GRIA4: variants seen among roughly 807,000 people sequenced by gnomAD.
GRIA4 encodes the protein glutamate ionotropic receptor AMPA type subunit 4.
GRIA4 carries 34 observed loss-of-function variants against 104.0 expected under a neutral mutation model. That is an observed-to-expected ratio of 0.33 (90% CI 0.25 to 0.44). The LOEUF is 0.44. Among genes scored for constraint, GRIA4 ranks in the 20% least tolerant of loss-of-function variants. The probability of loss-of-function intolerance (pLI) is 1.00; values close to 1 mark genes in which losing one functional copy is unlikely to be tolerated. For missense variants in GRIA4, 750 were observed against 1,096.5 expected, an observed-to-expected ratio of 0.68 and a Z score of 4.46; for synonymous variants, 386 against 381.9, an observed-to-expected ratio of 1.01 and a Z score of -0.13.
intron 10 of GRIA4, chr11:105,911,906 T>G (rs1216719912): frequency 1.9e-6 from 3 of 1,561,364 alleles, no homozygotes; most frequent in Non-Finnish European, 2.6e-6. Flanking sequence ...TTTAAGAAAT[T>G]GATCAAGAAA....
chr11:105,611,224 C>G (rs1260449245), intron 2 of GRIA4, 139 bp downstream of exon 2: 1 of 687,778 alleles, frequency 1.5e-6, no homozygotes, highest in Non-Finnish European at 2.6e-6. Context: ...CTTCCTTTCT[C>G]TCCTTTGCAA....
At chr11:105,821,963 T>A (rs1385542454) in intron 4 of GRIA4, among the ~76,000 whole-genome samples, 1 of 152,086 alleles carries the variant, frequency 6.6e-6, no homozygotes. Context: ...TGAGCTAGAC[T>A]CTGCTGCGCT....
chr11:105,786,301 T>C (rs1591255086), intron 4 of GRIA4, among the ~76,000 whole-genome samples: 1 of 152,176 alleles, frequency 6.6e-6, no homozygotes, highest in South Asian at 2.1e-4. Context: ...TCTCAAGTCA[T>C]AATGAAAGTG....
At chr11:105,788,494 T>G (rs1015247540) in intron 4 of GRIA4, among the ~76,000 whole-genome samples, 1 of 152,160 alleles carries the variant, frequency 6.6e-6, no homozygotes, top group Non-Finnish European at 1.5e-5. Context: ...TCAACCAAAG[T>G]GTCCATTAAT....
chr11:105,939,789 ATTG>A (rs1364360985), intron 14 of GRIA4, among the ~76,000 whole-genome samples: 6 of 152,130 alleles, frequency 3.9e-5, no homozygotes, highest in African/African-American at 1.4e-4. Context: ...CATATTCGCT[ATTG>A]TTGTTGTTGT....
At chr11:105,961,966 A>G (rs1000239089) in intron 14 of GRIA4, among the ~76,000 whole-genome samples, 2 of 152,254 alleles carry the variant, frequency 1.3e-5, no homozygotes, top group Non-Finnish European at 2.9e-5. Context: ...TACAAACTAC[A>G]TATGTCCTGA....
chr11:105,832,992 A>C (rs1591321402), intron 4 of GRIA4, among the ~76,000 whole-genome samples: 1 of 152,024 alleles, frequency 6.6e-6, no homozygotes, highest in East Asian at 1.9e-4. Flanking sequence ...TTAAATCCCA[A>C]ATTTATGTGA....
intron 5 of GRIA4, among the ~76,000 whole-genome samples, chr11:105,882,700 C>T (rs1203091821): frequency 6.6e-6 from 1 of 152,114 alleles, no homozygotes; most frequent in Non-Finnish European, 1.5e-5. Flanking sequence ...TGTCTCTTCC[C>T]CTTATGAGAT....
chr11:105,775,837 TATC>T lies in GRIA4; in HGVS notation c.487+22622_487+22624del, dbSNP rs1335900345. On this transcript the variant is annotated intron_variant, in intron 4 of 16. Coordinates refer to ENST00000282499, the MANE Select transcript of GRIA4 (RefSeq NM_000829.4). ...CATTTAGAAAATAAGTCCCCTCAAATATCATCAATGGTGACATTAATTTTCTCA... is the reference window on the plus strand; with the variant it reads ...CATTTAGAAAATAAGTCCCCTCAAATATCAATGGTGACATTAATTTTCTCA... Among the ~76,000 whole-genome samples the T allele has an allele frequency of 2.2e-4, 33 of 151,990 alleles. 1 individual carries two copies. The highest frequency in any genetic ancestry group is 6.5e-4 in the African/African-American group (27 of 41,424).
chr11:105,651,007 A>C (rs1951671269), intron 3 of GRIA4, among the ~76,000 whole-genome samples: 1 of 152,152 alleles, frequency 6.6e-6, no homozygotes, highest in South Asian at 2.1e-4. Flanking sequence ...GAAATACGTG[A>C]TTTATAGCAA....
At chr11:105,929,818 A>G (rs1255220955) in intron 13 of GRIA4, among the ~76,000 whole-genome samples, 1 of 152,152 alleles carries the variant, frequency 6.6e-6, no homozygotes, top group Non-Finnish European at 1.5e-5. Flanking sequence ...GAAATGGTGG[A>G]ATACTTAATT....
chr11:105,619,412 ATTT>A (rs1950684675), intron 3 of GRIA4, among the ~76,000 whole-genome samples: 1 of 151,894 alleles, frequency 6.6e-6, no homozygotes, highest in African/African-American at 2.4e-5. Flanking sequence ...GTCTGAGCCA[ATTT>A]TAATATTTCA....
At chr11:105,884,622 A>G (rs1946186469) in intron 5 of GRIA4, among the ~76,000 whole-genome samples, 1 of 152,204 alleles carries the variant, frequency 6.6e-6, no homozygotes, top group East Asian at 1.9e-4. Flanking sequence ...ATAAATCTCC[A>G]GATCCCTGCT....
intron 4 of GRIA4, among the ~76,000 whole-genome samples, chr11:105,829,161 A>G (rs1325673182): frequency 2.0e-5 from 3 of 151,838 alleles, no homozygotes; most frequent in African/African-American, 7.3e-5. Context: ...CCTTTTACAG[A>G]TAGGAATAAT....
intron 14 of GRIA4, among the ~76,000 whole-genome samples, chr11:105,935,676 T>C (rs1414769588): frequency 6.6e-6 from 1 of 152,168 alleles, no homozygotes; most frequent in Non-Finnish European, 1.5e-5. Flanking sequence ...TGCACTTAAT[T>C]AATTCTCTGT....
chr11:105,736,334 G>A (rs1007062471), intron 3 of GRIA4, among the ~76,000 whole-genome samples: 7 of 152,146 alleles, frequency 4.6e-5, no homozygotes, highest in East Asian at 1.9e-4. Flanking sequence ...AATGGTAGGC[G>A]GATATGAGAG....
intron 4 of GRIA4, among the ~76,000 whole-genome samples, chr11:105,788,529 T>C (rs573300845): frequency 6.6e-6 from 1 of 152,248 alleles, no homozygotes; most frequent in South Asian, 2.1e-4. Flanking sequence ...AAAATATATA[T>C]AGTACATATA....
chr11:105,880,417 A>G (rs2136078789), intron 5 of GRIA4, among the ~76,000 whole-genome samples: 1 of 152,286 alleles, frequency 6.6e-6, no homozygotes, highest in East Asian at 1.9e-4. Flanking sequence ...TGGAACGAAC[A>G]CAGGACAAGG....
At chr11:105,869,497 T>C (rs1945540606) in intron 5 of GRIA4, among the ~76,000 whole-genome samples, 1 of 152,044 alleles carries the variant, frequency 6.6e-6, no homozygotes, top group African/African-American at 2.4e-5. Flanking sequence ...TAAGTTATAT[T>C]CCTCATTAGG....
Sources: allele counts gnomAD v4.1 joint callset (sites outside exome capture counted in the v4.1 genomes callset), GRCh38; gene constraint gnomAD v4.1.1; transcripts MANE v1.5; gene names NCBI Gene and HGNC (gene_info 2026-07-23, HGNC 2026-07-21).